CCDC102B: variants seen among roughly 807,000 people sequenced by gnomAD.
CCDC102B encodes coiled-coil domain containing 102B.
CCDC102B carries 75 observed loss-of-function variants against 57.4 expected under a neutral mutation model. The ratio of observed to expected loss-of-function variants is 1.31; its 90% CI spans 1.08 to 1.58. The LOEUF (loss-of-function observed/expected upper bound fraction) is 1.58. Ranked by LOEUF, CCDC102B falls within the 40% of genes most tolerant of loss-of-function variation. CCDC102B has a pLI of 0.00. For synonymous variants in CCDC102B, 206 were observed against 201.9 expected (o/e 1.02, Z -0.17); for missense variants, 636 against 582.6 (o/e 1.09, Z -0.94).
At chr18:68,869,704 G>T (rs1191619088) in intron 4 of CCDC102B, among the ~76,000 whole-genome samples, 2 of 152,158 alleles carry the variant, frequency 1.3e-5, no homozygotes, top group African/African-American at 4.8e-5. Context: ...TTCTTTTGCT[G>T]TTCAGAAGCT....
At chr18:69,051,831 T>A (rs1568151715) in intron 7 of CCDC102B, among the ~76,000 whole-genome samples, 1 of 151,820 alleles carries the variant, frequency 6.6e-6, no homozygotes, top group Non-Finnish European at 1.5e-5. Flanking sequence ...TGTGTTTGTA[T>A]AGGAAAAAAA....
intron 4 of CCDC102B, among the ~76,000 whole-genome samples, chr18:68,870,511 G>A (rs2039198196): frequency 1.3e-5 from 2 of 152,154 alleles, no homozygotes; most frequent in South Asian, 2.1e-4. Flanking sequence ...CTCTTAGAAT[G>A]AGTTTGCCAA....
intron 2 of CCDC102B, among the ~76,000 whole-genome samples, chr18:68,752,214 C>T (rs1033252825): frequency 6.6e-6 from 1 of 151,910 alleles, no homozygotes; most frequent in East Asian, 1.9e-4. Context: ...GAGCCAAGAT[C>T]GCGCCACTGC....
At chr18:68,767,799 A>G (rs1258807070) in intron 2 of CCDC102B, among the ~76,000 whole-genome samples, 1 of 152,188 alleles carries the variant, frequency 6.6e-6, no homozygotes, top group Non-Finnish European at 1.5e-5. Flanking sequence ...TTCTTCCACA[A>G]AATACATTTT....
chr18:68,870,026 T>C (rs1444603703), intron 4 of CCDC102B, among the ~76,000 whole-genome samples: 1 of 152,196 alleles, frequency 6.6e-6, no homozygotes, highest in Non-Finnish European at 1.5e-5. Flanking sequence ...GAAGATCAGA[T>C]GGTTGTAGAT....
chr18:68,838,681 ATGTTT>A lies in CCDC102B; in HGVS notation c.607-11_607-7del, dbSNP rs769702502. ...TGATTTTTCTCCAGGAGGTTTAAAT[ATGTTT>A]TGTTTTGTTTTGTCTTCAGGAACAA... is the stretch of plus-strand genomic sequence containing the variant. On this transcript the variant is annotated intron_variant, in intron 2 of 7. Coordinates refer to ENST00000360242, the MANE Select transcript of CCDC102B (RefSeq NM_024781.3). 4 of 1,601,428 alleles carry A rather than the reference ATGTTT, an allele frequency of 2.5e-6. No individual in the cohort carries two copies. Among genetic ancestry groups the A allele is most frequent in the East Asian group, 4.5e-5 (2 of 44,630 alleles).
intron 2 of CCDC102B, among the ~76,000 whole-genome samples, chr18:68,783,665 C>G (rs1599454032): frequency 6.6e-6 from 1 of 152,056 alleles, no homozygotes; most frequent in Non-Finnish European, 1.5e-5. Context: ...TTTAGATGTC[C>G]CTGTCATCAG....
chr18:68,925,344 G>T (rs1440742280), intron 6 of CCDC102B, among the ~76,000 whole-genome samples: 4 of 151,814 alleles, frequency 2.6e-5, no homozygotes, highest in African/African-American at 9.7e-5. Flanking sequence ...ACCTTTTTTG[G>T]TGACTCCTGT....
chr18:68,748,213 TGTG>T lies in CCDC102B; in HGVS notation c.-67+31620_-67+31622del, dbSNP rs1568230306. Among the ~76,000 whole-genome samples, 43 of 46,926 alleles carry T rather than the reference TGTG, an allele frequency of 9.2e-4. 1 individual carries two copies. The highest frequency in any genetic ancestry group is 3.2e-3 in the African/African-American group (41 of 13,002). 30.8% of individuals were successfully genotyped at this position (46,926 alleles called of 152,430 possible). On this transcript the variant is annotated intron_variant, in intron 2 of 3. Coordinates refer to the CCDC102B transcript ENST00000578970. ...TTGTCCATTATTAAACTGGTGTGTG[TGTG>T]TGTGTGTGTGTGTGTGTGTGTGTGT...
chr18:68,837,187 A>G lies in CCDC102B; in HGVS notation c.424A>G (p.Ser142Gly), dbSNP rs2037420600. ...ATTGAGTACACTGAAAAAGAAACAG[A>G]GTTTGCCACCTCAGAAGGAGGCATT... Reference protein sequence around the residue: ...KELSTLKKKQSLPPQKEALEA... With the variant: ...KELSTLKKKQGLPPQKEALEA... Residue 142 changes from serine (S) to glycine (G), a missense_variant, in exon 2 of 8, where the codon AGT (serine) becomes GGT (glycine). Physicochemically the swap from Ser to Gly is moderately conservative, Grantham distance 56. Coordinates refer to ENST00000360242, the MANE Select transcript of CCDC102B (RefSeq NM_024781.3). 1.9e-6 allele frequency: 3 copies of G among 1,614,064 alleles called. No individual in the cohort carries two copies. Among genetic ancestry groups the G allele is most frequent in the Non-Finnish European group, 2.5e-6 (3 of 1,179,946 alleles).
intron 6 of CCDC102B, among the ~76,000 whole-genome samples, chr18:68,941,083 A>T (rs12458330): frequency 0.54 from 78,687 of 145,474 alleles, 23,202 homozygotes; most frequent in Non-Finnish European, 0.66. Context: ...TTTGCTATTT[A>T]TTTATTTTTT....
chr18:68,987,917 A>G (rs1171450960), intron 6 of CCDC102B, among the ~76,000 whole-genome samples: 1 of 152,196 alleles, frequency 6.6e-6, no homozygotes, highest in Non-Finnish European at 1.5e-5. Flanking sequence ...GGCTGCAGAA[A>G]AAAAGGGAAT....
chr18:68,971,856 A>G (rs1459072493), intron 6 of CCDC102B, among the ~76,000 whole-genome samples: 1 of 152,152 alleles, frequency 6.6e-6, no homozygotes, highest in African/African-American at 2.4e-5. Context: ...AATACATATT[A>G]TATCAATTGA....
At chr18:68,837,439 G>C in intron 2 of CCDC102B, 70 bp downstream of exon 2, 9 of 1,424,644 alleles carry the variant, frequency 6.3e-6, no homozygotes, top group South Asian at 1.4e-5. Context: ...GAAGAAGGAA[G>C]TGACAAATGC....
At chr18:68,861,137 T>TTA (rs778216209) in intron 4 of CCDC102B, among the ~76,000 whole-genome samples, 2 of 150,372 alleles carry the variant, frequency 1.3e-5, no homozygotes, top group East Asian at 2.0e-4. Context: ...TAAAACATAA[T>TTA]AAAAAAAAAA....
At chr18:68,902,987 A>T (rs1213470745) in intron 6 of CCDC102B, among the ~76,000 whole-genome samples, 1 of 152,156 alleles carries the variant, frequency 6.6e-6, no homozygotes, top group Admixed American at 6.5e-5. Context: ...AAAGGGATAA[A>T]TTTTTTAAAA....
At chr18:68,722,660 G>A (rs1356678853) in intron 2 of CCDC102B, among the ~76,000 whole-genome samples, 1 of 152,132 alleles carries the variant, frequency 6.6e-6, no homozygotes, top group Non-Finnish European at 1.5e-5. Flanking sequence ...AATCTAAAAT[G>A]ACATGAAAAA....
intron 6 of CCDC102B, among the ~76,000 whole-genome samples, chr18:68,936,370 G>C (rs1430079574): frequency 6.6e-6 from 1 of 151,928 alleles, no homozygotes; most frequent in Non-Finnish European, 1.5e-5. Context: ...TTAGCTGTAG[G>C]TAGAGGTGTT....
intron 5 of CCDC102B, among the ~76,000 whole-genome samples, chr18:68,891,413 G>A (rs1174199753): frequency 6.6e-6 from 1 of 152,024 alleles, no homozygotes; most frequent in African/African-American, 2.4e-5. Context: ...TACAGTTTTT[G>A]CTTTTCCATG....
Sources: allele counts gnomAD v4.1 joint callset (sites outside exome capture counted in the v4.1 genomes callset), GRCh38; gene constraint gnomAD v4.1.1; transcripts MANE v1.5; gene names NCBI Gene and HGNC (gene_info 2026-07-23, HGNC 2026-07-21).